The following PTPN5 variants were observed in gnomAD, a reference collection of about 807,000 sequenced individuals.
The protein encoded by PTPN5 is tyrosine-protein phosphatase non-receptor type 5.
Under a neutral mutation model 73.9 loss-of-function variants are expected in PTPN5, and 29 were observed. The ratio of observed to expected loss-of-function variants is 0.39; its 90% CI spans 0.29 to 0.54. The LOEUF is 0.54. Ranked by LOEUF, PTPN5 falls within the 20% of genes least tolerant of loss-of-function variation. PTPN5 has a pLI of 0.65. For missense variants in PTPN5, 652 were observed against 751.4 expected, an observed-to-expected ratio of 0.87 and a Z score of 1.55; for synonymous variants, 267 against 304.7, an observed-to-expected ratio of 0.88 and a Z score of 1.29.
chr11:18,741,920 G>A (rs1197715997), intron 7 of PTPN5, among the ~76,000 whole-genome samples: 1 of 152,202 alleles, frequency 6.6e-6, no homozygotes, highest in East Asian at 1.9e-4. Context: ...TTTGGGAAAT[G>A]CCACATACTG....
chr11:18,773,450 G>A (rs1163724291), intron 1 of PTPN5, among the ~76,000 whole-genome samples: 1 of 152,126 alleles, frequency 6.6e-6, no homozygotes. Flanking sequence ...TCAGCCTGCA[G>A]GGCTTCCGCT....
At chr11:18,741,619 T>C (rs1173406465) in intron 7 of PTPN5, among the ~76,000 whole-genome samples, 1 of 152,132 alleles carries the variant, frequency 6.6e-6, no homozygotes, top group Non-Finnish European at 1.5e-5. Context: ...TCTCAAAGTG[T>C]GCTCTGTGGA....
intron 3 of PTPN5, chr11:18,744,475 C>T (rs1428517194): frequency 6.3e-6 from 2 of 317,172 alleles, no homozygotes; most frequent in Admixed American, 9.9e-5. Flanking sequence ...TGTATTTACG[C>T]AGCTTCATTC....
chr11:18,781,079 T>A (rs1382756561), intron 1 of PTPN5, among the ~76,000 whole-genome samples: 1 of 152,108 alleles, frequency 6.6e-6, no homozygotes, highest in African/African-American at 2.4e-5. Context: ...GAGACCTCTT[T>A]GAAAACCTTT....
At chr11:18,777,344 G>T (rs534295700) in intron 1 of PTPN5, among the ~76,000 whole-genome samples, 37 of 152,290 alleles carry the variant, frequency 2.4e-4, no homozygotes, top group African/African-American at 8.2e-4. Context: ...ACTCCAGAGG[G>T]TTATAATGGA....
intron 4 of PTPN5, 24 bp downstream of exon 4, chr11:18,743,982 T>C (rs550258931): frequency 3.8e-6 from 6 of 1,569,620 alleles, no homozygotes; most frequent in Admixed American, 2.1e-5. Flanking sequence ...CTCCAGACCC[T>C]TGTGAGGCCT....
chr11:18,743,742 G>A (rs1013036083), intron 4 of PTPN5: 18 of 568,454 alleles, frequency 3.2e-5, no homozygotes, highest in Non-Finnish European at 5.2e-5. Flanking sequence ...AACCCTGTAC[G>A]GCTGGGAGCT....
At position 18,746,021 on chromosome 11, in the gene PTPN5, G is replaced by GT. The variant is rs531731274; in HGVS notation, c.98-1823dup. On this transcript the variant is annotated intron_variant, in intron 3 of 14. Transcript: ENST00000358540. ...CATCCTCATGTCTACAGCATGTAGC[G>GT]TAAGTCCTGGTGTGTAAGGCTACAA... is the stretch of plus-strand genomic sequence containing the variant. Among the ~76,000 whole-genome samples the GT allele has an allele frequency of 4.0e-5, 6 of 151,706 alleles. 1 individual carries two copies. In the East Asian group the frequency reaches 9.7e-4, roughly 24 times the overall value.
intron 3 of PTPN5, among the ~76,000 whole-genome samples, chr11:18,755,067 A>AC (rs1850068000): frequency 6.6e-6 from 1 of 152,048 alleles, no homozygotes; most frequent in African/African-American, 2.4e-5. Flanking sequence ...TCTTGGACAC[A>AC]CTCTTGCTCC....
rs749289923 is a variant in PTPN5, at chr11:18,733,157, AAAGATT to A, written c.1218+72_1218+77del. 6.4e-7 allele frequency: 1 copy of A among 1,555,656 alleles called. No homozygotes were observed. The highest frequency in any genetic ancestry group is 8.7e-7 in the Non-Finnish European group (1 of 1,144,186). ...ACCGCCGACCTCTTGAGATTGTCATAAAGATTAATTTGAGAACAAGATACTTAGTGT... is the reference window on the plus strand; with the variant it reads ...ACCGCCGACCTCTTGAGATTGTCATAAATTTGAGAACAAGATACTTAGTGT... On this transcript the variant is annotated intron_variant, in intron 11 of 14. Coordinates refer to ENST00000358540, the MANE Select transcript of PTPN5 (RefSeq NM_006906.2). The surrounding 1 kb of genome is among the most constrained non-coding windows in gnomAD (Gnocchi z 4.3).
intron 3 of PTPN5, among the ~76,000 whole-genome samples, chr11:18,755,776 C>A (rs113732799): frequency 2.6e-5 from 4 of 151,926 alleles, no homozygotes; most frequent in African/African-American, 9.7e-5. Flanking sequence ...GAGGCCGAGG[C>A]GGGCAGATCA....
In PTPN5 at chr11:18,728,620, G is replaced by C. The variant is rs558717514; in HGVS notation, c.*314C>G. The C allele has an allele frequency of 3.3e-6, 1 of 300,928 alleles. No homozygotes were observed. Among genetic ancestry groups the C allele is most frequent in the South Asian group, 5.0e-5 (1 of 19,820 alleles). The allele number at this position is 300,928 out of a possible 1,614,324, so 18.6% of individuals were successfully genotyped here. A position where few individuals can be genotyped will look rare whatever the true frequency, so the allele number is the denominator to read the frequency against. Reference sequence around the variant, plus strand: ...GCAGCAGGACACAAAGTGTAGCACGGAAACATTCTGGATCAGGTATTGATG... The same window carrying C: ...GCAGCAGGACACAAAGTGTAGCACGCAAACATTCTGGATCAGGTATTGATG... On this transcript the variant is annotated 3_prime_UTR_variant, in exon 15 of 15. Coordinates refer to ENST00000358540, the MANE Select transcript of PTPN5 (RefSeq NM_006906.2). The surrounding 1 kb of genome is among the most constrained non-coding windows in gnomAD (Gnocchi z 4.1).
chr11:18,752,810 A>G (rs1290150770), intron 3 of PTPN5, among the ~76,000 whole-genome samples: 1 of 152,226 alleles, frequency 6.6e-6, no homozygotes, highest in Non-Finnish European at 1.5e-5. Context: ...GCCCTGCGGC[A>G]GGGAGGTACC....
In PTPN5 at chr11:18,728,201, T is replaced by C. The variant is rs1482049784; in HGVS notation, c.*733A>G. ...CAGTGACACAGAAAAATGTCTCACG[T>C]AGATCTGGGCTGAGTCCCCACCCAA... On this transcript the variant is annotated 3_prime_UTR_variant, in exon 15 of 15. Coordinates refer to ENST00000358540, the MANE Select transcript of PTPN5 (RefSeq NM_006906.2). This position sits in a 1 kb window ranked among gnomAD's most constrained non-coding sequence, Gnocchi z 4.1. The C allele has an allele frequency of 6.6e-6, 1 of 152,580 alleles. No individual in the cohort carries two copies. Among genetic ancestry groups the C allele is most frequent in the Non-Finnish European group, 1.5e-5 (1 of 68,090 alleles). The allele number at this position is 152,580 out of a possible 1,614,324, so 9.5% of individuals were successfully genotyped here.
rs1021250118 is a variant in PTPN5 at position 18,728,800 on chromosome 11, G to A, written c.*134C>T. On this transcript the variant is annotated 3_prime_UTR_variant, in exon 15 of 15. Transcript: ENST00000358540. The surrounding 1 kb of genome is among the most constrained non-coding windows in gnomAD (Gnocchi z 4.1). ...ATGCTGGAGGGTAGGGGTCAGGCCA[G>A]GCTGACAGAGGACAGAGGGAGCTGA... 4.6e-4 allele frequency: 357 copies of A among 775,434 alleles called. No individual in the cohort carries two copies. The highest frequency in any genetic ancestry group is 6.6e-5 in the Non-Finnish European group (32 of 483,234). The allele number at this position is 775,434 out of a possible 1,614,324, so 48.0% of individuals were successfully genotyped here. A position where few individuals can be genotyped will look rare whatever the true frequency, so the allele number is the denominator to read the frequency against.
At chr11:18,752,048 T>C (rs1262975709) in intron 3 of PTPN5, among the ~76,000 whole-genome samples, 1 of 152,090 alleles carries the variant, frequency 6.6e-6, no homozygotes. Flanking sequence ...CTGGCCAATA[T>C]GGTAAAACCC....
intron 1 of PTPN5, among the ~76,000 whole-genome samples, chr11:18,787,481 C>A (rs1194588059): frequency 6.6e-6 from 1 of 152,200 alleles, no homozygotes; most frequent in African/African-American, 2.4e-5. Flanking sequence ...TAGGCCCTTA[C>A]ATGATTGGCT....
intron 3 of PTPN5, among the ~76,000 whole-genome samples, chr11:18,752,959 C>T (rs907197053): frequency 6.6e-6 from 1 of 152,218 alleles, no homozygotes; most frequent in Non-Finnish European, 1.5e-5. Flanking sequence ...AAAACCAGGA[C>T]TGCCATGCTC....
At chr11:18,756,527 C>A (rs1384080648) in intron 3 of PTPN5, among the ~76,000 whole-genome samples, 1 of 151,894 alleles carries the variant, frequency 6.6e-6, no homozygotes, top group Non-Finnish European at 1.5e-5. Flanking sequence ...GAACTCCTGA[C>A]CTCATGTGAC....
Sources: allele counts gnomAD v4.1 joint callset (sites outside exome capture counted in the v4.1 genomes callset), GRCh38; gene constraint gnomAD v4.1.1; non-coding constraint Gnocchi (gnomAD v3.1); transcripts MANE v1.5; gene names NCBI Gene and HGNC (gene_info 2026-07-23, HGNC 2026-07-21).